Variants in TASP1 observed in about 807,000 individuals in gnomAD.
TASP1 encodes the protein taspase 1.
A neutral mutation model predicts 56.6 loss-of-function variants in TASP1; 16 were observed. That is an observed-to-expected ratio of 0.28 (90% CI 0.19 to 0.43). The LOEUF (loss-of-function observed/expected upper bound fraction) is 0.43, where lower values mean the gene tolerates loss of function less well. Ranked by LOEUF, TASP1 falls within the 20% of genes least tolerant of loss-of-function variation. The pLI is 1.00. For missense variants in TASP1, 393 were observed against 511.6 expected, an observed-to-expected ratio of 0.77 and a Z score of 2.24; for synonymous variants, 179 against 184.2, an observed-to-expected ratio of 0.97 and a Z score of 0.23.
At chr20:13,299,623 C>CCT in the TASP1 span, 5 of 704,552 alleles carry the variant, frequency 7.1e-6, no homozygotes, top group Non-Finnish European at 1.1e-5. This position sits in a 1 kb window ranked among gnomAD's most constrained non-coding sequence, Gnocchi z 5.8. Flanking sequence ...GTGCCACGCC[C>CCT]AGGGGACTGC....
chr20:13,167,945 A>G, the TASP1 span: 1 of 152,210 alleles, frequency 6.6e-6, no homozygotes, highest in Non-Finnish European at 1.5e-5. Flanking sequence ...TCTCTTGTTC[A>G]TAATTAAGTG....
the TASP1 span, among the ~76,000 whole-genome samples, chr20:13,199,072 A>ATT: frequency 2.2e-5 from 3 of 134,292 alleles, no homozygotes; most frequent in African/African-American, 8.8e-5. Context: ...TACCTGGCTA[A>ATT]ATTTTTTTTT....
the TASP1 span, among the ~76,000 whole-genome samples, chr20:13,321,253 T>TAAAAAAAAAAAAAAAA: frequency 8.4e-3 from 484 of 57,468 alleles, 29 homozygotes; most frequent in Non-Finnish European, 0.012. Context: ...GTGCCCCACA[T>TAAAAAAAAAAAAAAAA]AAAAAAAAAA....
At chr20:13,472,315 C>G (rs190695872) in intron 11 of TASP1, among the ~76,000 whole-genome samples, 1 of 150,942 alleles carries the variant, frequency 6.6e-6, no homozygotes, top group Non-Finnish European at 1.5e-5. Flanking sequence ...CCTCTTTACA[C>G]CTTATACAAA....
At position 13,524,547 on chromosome 20, in the gene TASP1, G is replaced by A. The variant is rs772535381; in HGVS notation, c.874+3886C>T. On this transcript the variant is annotated intron_variant, in intron 10 of 13. Transcript: ENST00000337743. ...AAGGCTGTTTGCCAGGCACTCAGGA[G>A]ACACAAATATACCCACAGCCCTCTT... Among the ~76,000 whole-genome samples the A allele has an allele frequency of 7.8e-4, 119 of 152,230 alleles. No homozygotes were observed. The Middle Eastern group carries it at 0.034, about 44-fold the overall frequency.
intron 8 of TASP1, among the ~76,000 whole-genome samples, chr20:13,539,718 A>AAAAAG (rs1405861494): frequency 2.6e-5 from 4 of 152,190 alleles, no homozygotes; most frequent in Non-Finnish European, 5.9e-5. Flanking sequence ...TCATACCATA[A>AAAAAG]AAAAGATTAC....
intron 4 of TASP1, among the ~76,000 whole-genome samples, chr20:13,619,827 A>AAT (rs1338732216): frequency 1.8e-4 from 27 of 152,336 alleles, no homozygotes; most frequent in African/African-American, 6.3e-4. Flanking sequence ...AGATAATCTC[A>AAT]AAAAAGCTAT....
chr20:13,357,543 C>G, the TASP1 span, among the ~76,000 whole-genome samples: 1 of 152,028 alleles, frequency 6.6e-6, no homozygotes, highest in Non-Finnish European at 1.5e-5. Context: ...AAGAAGGGGA[C>G]GTGATAAAAA....
At chr20:13,253,738 A>G in the TASP1 span, among the ~76,000 whole-genome samples, 33 of 152,178 alleles carry the variant, frequency 2.2e-4, no homozygotes, top group African/African-American at 7.2e-4. Flanking sequence ...CACATGAATT[A>G]AATTAATAAC....
intron 4 of TASP1, among the ~76,000 whole-genome samples, chr20:13,599,713 G>A (rs533006538): frequency 4.1e-5 from 6 of 147,990 alleles, no homozygotes; most frequent in Non-Finnish European, 7.5e-5. Context: ...CATATTAAGA[G>A]AAAAAGGAAA....
At chr20:13,147,071 G>T in the TASP1 span, among the ~76,000 whole-genome samples, 1 of 152,170 alleles carries the variant, frequency 6.6e-6, no homozygotes, top group Non-Finnish European at 1.5e-5. Flanking sequence ...TGGAGGCAGG[G>T]TGTTTTCCCA....
the TASP1 span, among the ~76,000 whole-genome samples, chr20:13,297,102 G>A: frequency 6.6e-6 from 1 of 152,298 alleles, no homozygotes; most frequent in East Asian, 1.9e-4. Context: ...AGGCAAAGAA[G>A]GGAATTTGTG....
At chr20:13,487,733 G>A (rs4814238) in intron 10 of TASP1, among the ~76,000 whole-genome samples, 53,897 of 151,952 alleles carry the variant, frequency 0.35, 10,374 homozygotes, top group Non-Finnish European at 0.43. Flanking sequence ...AAGGAAGAAT[G>A]AGCAATAGCA....
At chr20:13,136,604 C>CATATATATATATATATAT in the TASP1 span, among the ~76,000 whole-genome samples, 3 of 136,072 alleles carry the variant, frequency 2.2e-5, no homozygotes, top group African/African-American at 7.7e-5. Context: ...CATCTAAAAA[C>CATATATATATATATATAT]ATATATATAT....
chr20:13,247,524 GT>G, the TASP1 span, among the ~76,000 whole-genome samples: 54 of 117,496 alleles, frequency 4.6e-4, no homozygotes, highest in Non-Finnish European at 6.0e-5. Flanking sequence ...AGGGGTGTGT[GT>G]GTGTGTGTGT....
chr20:13,356,402 T>G, the TASP1 span, among the ~76,000 whole-genome samples: 1 of 152,176 alleles, frequency 6.6e-6, no homozygotes, highest in African/African-American at 2.4e-5. Flanking sequence ...GAACTGGGTT[T>G]TGGAATTGAG....
chr20:13,231,364 A>T, the TASP1 span, among the ~76,000 whole-genome samples: 1 of 152,182 alleles, frequency 6.6e-6, no homozygotes. Context: ...AATTACAGAG[A>T]TGGGCTGCAA....
intron 4 of TASP1, among the ~76,000 whole-genome samples, chr20:13,604,840 C>T: frequency 6.6e-6 from 1 of 152,080 alleles, no homozygotes; most frequent in East Asian, 1.9e-4. Flanking sequence ...AGTGAGAACA[C>T]AAATGGCAAA....
the TASP1 span, among the ~76,000 whole-genome samples, chr20:13,348,388 C>A: frequency 1.9e-3 from 291 of 152,248 alleles, no homozygotes; most frequent in Non-Finnish European, 2.3e-3. Flanking sequence ...AAATAATAAA[C>A]CTGGTTCTTA....
Sources: gnomAD v4.1 joint callset for allele counts (sites outside exome capture counted in the v4.1 genomes callset) on GRCh38, gnomAD v4.1.1 for gene constraint, Gnocchi (gnomAD v3.1) non-coding constraint, MANE v1.5 for transcripts, NCBI Gene and HGNC (gene_info 2026-07-23, HGNC 2026-07-21) for gene names.